PTPRM: variants seen among roughly 807,000 people sequenced by gnomAD.
The protein encoded by PTPRM is receptor-type tyrosine-protein phosphatase mu.
Under a neutral mutation model 186.7 loss-of-function variants are expected in PTPRM, and 47 were observed. That is an observed-to-expected ratio of 0.25 (90% CI 0.20 to 0.32). PTPRM has a LOEUF of 0.32. Among genes scored for constraint, PTPRM ranks in the 10% least tolerant of loss-of-function variants. PTPRM has a pLI of 1.00. For missense variants in PTPRM, 1,494 were observed against 1,865.0 expected, an observed-to-expected ratio of 0.80 and a Z score of 3.66; for synonymous variants, 668 against 674.9, an observed-to-expected ratio of 0.99 and a Z score of 0.16.
chr18:8,249,860 G>C (rs939302911), intron 17 of PTPRM, among the ~76,000 whole-genome samples: 1 of 152,170 alleles, frequency 6.6e-6, no homozygotes, highest in East Asian at 1.9e-4. Flanking sequence ...AAGTCACCCA[G>C]ATAGACCAAT....
intron 1 of PTPRM, among the ~76,000 whole-genome samples, chr18:7,606,977 G>A (rs989370147): frequency 6.6e-6 from 1 of 151,900 alleles, no homozygotes; most frequent in Non-Finnish European, 1.5e-5. Context: ...GCTCATCTGG[G>A]GGCTCCCAGA....
At chr18:7,794,290 C>CACTG (rs1008718620) in intron 2 of PTPRM, among the ~76,000 whole-genome samples, 10 of 152,172 alleles carry the variant, frequency 6.6e-5, no homozygotes, top group Admixed American at 3.9e-4. Context: ...AACACATGCC[C>CACTG]ACTGGGGCTT....
intron 1 of PTPRM, among the ~76,000 whole-genome samples, chr18:7,678,422 A>G (rs759524868): frequency 4.6e-5 from 7 of 152,182 alleles, no homozygotes; most frequent in Non-Finnish European, 8.8e-5. Context: ...GGAGTTCTGT[A>G]TATGAGAACT....
At chr18:7,961,544 G>A (rs1445325885) in intron 7 of PTPRM, among the ~76,000 whole-genome samples, 1 of 152,152 alleles carries the variant, frequency 6.6e-6, no homozygotes, top group Non-Finnish European at 1.5e-5. Context: ...ACTGACTTTG[G>A]CATTCAGTTT....
intron 1 of PTPRM, among the ~76,000 whole-genome samples, chr18:7,702,979 GGTT>G (rs757059428): frequency 6.6e-6 from 1 of 152,116 alleles, no homozygotes; most frequent in African/African-American, 2.4e-5. Context: ...TCAAAGACTG[GGTT>G]GTTGTAGTTG....
chr18:7,886,778 A>C (rs1470558887), intron 2 of PTPRM, among the ~76,000 whole-genome samples: 1 of 152,216 alleles, frequency 6.6e-6, no homozygotes, highest in Admixed American at 6.5e-5. Context: ...TAAAGGTAGC[A>C]ACCATAAGAA....
rs138549435 is a variant in PTPRM at position 8,384,711 on chromosome 18, G to A, written c.4044+25G>A. ...AGTAAGAGACGGGCCTGTCATGCCT[G>A]TGATTATGGTTTCATTTATTTTCTC... On this transcript the variant is annotated intron_variant, in intron 30 of 32. Coordinates refer to ENST00000580170, the MANE Select transcript of PTPRM (RefSeq NM_001105244.2). The A allele has an allele frequency of 5.8e-5, 93 of 1,612,284 alleles. No individual in the cohort carries two copies. The African/African-American group carries it at 1.1e-3, about 20-fold the overall frequency.
At chr18:8,307,984 A>G (rs2095239333) in intron 20 of PTPRM, among the ~76,000 whole-genome samples, 1 of 152,196 alleles carries the variant, frequency 6.6e-6, no homozygotes, top group African/African-American at 2.4e-5. Flanking sequence ...ACCAGAGTGG[A>G]ACATGAGCTA....
intron 7 of PTPRM, among the ~76,000 whole-genome samples, chr18:7,972,475 AC>A (rs1355873758): frequency 5.3e-4 from 19 of 35,740 alleles, no homozygotes; most frequent in African/African-American, 1.3e-3. Context: ...AAAAAAAAAA[AC>A]ATTAAAAAAA....
chr18:7,932,971 A>T (rs2051575738), intron 5 of PTPRM, among the ~76,000 whole-genome samples: 1 of 152,216 alleles, frequency 6.6e-6, no homozygotes, highest in African/African-American at 2.4e-5. Context: ...TAAACAATTC[A>T]TAAGTTTTAA....
At chr18:7,975,466 TAAGTG>T (rs1327852599) in intron 7 of PTPRM, among the ~76,000 whole-genome samples, 3 of 152,184 alleles carry the variant, frequency 2.0e-5, no homozygotes, top group African/African-American at 7.2e-5. Flanking sequence ...AGAGGAAACT[TAAGTG>T]TATATTAAGA....
At chr18:8,318,762 A>G (rs187209908) in intron 21 of PTPRM, among the ~76,000 whole-genome samples, 2 of 152,394 alleles carry the variant, frequency 1.3e-5, no homozygotes, top group Admixed American at 6.5e-5. Flanking sequence ...CACTATTGAT[A>G]TAACTGTCTA....
chr18:7,996,235 A>G (rs1212877827), intron 7 of PTPRM, among the ~76,000 whole-genome samples: 2 of 152,096 alleles, frequency 1.3e-5, no homozygotes, highest in Non-Finnish European at 2.9e-5. Context: ...TCCCAGGGGA[A>G]AATGGATGGT....
At position 8,107,788 on chromosome 18, in the gene PTPRM, C is replaced by T. The variant is rs72909829; in HGVS notation, c.1857-5698C>T. 4.1e-3 allele frequency among the ~76,000 whole-genome samples: 627 copies of T among 152,274 alleles called. 5 individuals carry two copies. Among genetic ancestry groups the T allele is most frequent in the Middle Eastern group, 0.014 (4 of 294 alleles). ...TGATGTGTTACCCATTGCCAATTGT[C>T]TGTATAAAACTAATTACCATTTATC... On this transcript the variant is annotated intron_variant, in intron 11 of 32. Transcript: ENST00000580170.
chr18:7,963,030 A>G (rs2147197900), intron 7 of PTPRM, among the ~76,000 whole-genome samples: 1 of 152,374 alleles, frequency 6.6e-6, no homozygotes, highest in African/African-American at 2.4e-5. Context: ...CTAATTCTAA[A>G]ACAGTTCTGC....
intron 8 of PTPRM, among the ~76,000 whole-genome samples, chr18:8,074,012 G>A (rs2089651148): frequency 6.6e-6 from 1 of 152,154 alleles, no homozygotes; most frequent in Non-Finnish European, 1.5e-5. Context: ...TCATTTATTA[G>A]TCTTAAGTCA....
At chr18:7,777,540 G>A (rs2042648285) in intron 2 of PTPRM, among the ~76,000 whole-genome samples, 1 of 152,164 alleles carries the variant, frequency 6.6e-6, no homozygotes, top group South Asian at 2.1e-4. Context: ...ATGGAAAAAT[G>A]TTGCTGATGC....
At chr18:7,965,067 C>T (rs181618409) in intron 7 of PTPRM, among the ~76,000 whole-genome samples, 1,548 of 96,678 alleles carry the variant, frequency 0.016, 18 homozygotes, top group Non-Finnish European at 0.024. Context: ...GACGGAGTTT[C>T]GCTCTTGTGT....
At chr18:7,889,120 A>G (rs1269769342) in intron 3 of PTPRM, among the ~76,000 whole-genome samples, 1 of 152,150 alleles carries the variant, frequency 6.6e-6, no homozygotes, top group East Asian at 1.9e-4. Flanking sequence ...ATTTAAATAA[A>G]TGAATAAATA....
Sources: allele counts gnomAD v4.1 joint callset (sites outside exome capture counted in the v4.1 genomes callset), GRCh38; gene constraint gnomAD v4.1.1; transcripts MANE v1.5; gene names NCBI Gene and HGNC (gene_info 2026-07-23, HGNC 2026-07-21).